ARB2A: variants seen among roughly 807,000 people sequenced by gnomAD.
ARB2A encodes ARB2 cotranscriptional regulator A.
At chr5:93,708,492 C>A in the ARB2A span, among the ~76,000 whole-genome samples, 1 of 152,150 alleles carries the variant, frequency 6.6e-6, no homozygotes, top group Non-Finnish European at 1.5e-5. Flanking sequence ...TGAAACTGTT[C>A]CACCTCAGAT....
the ARB2A span, among the ~76,000 whole-genome samples, chr5:93,950,460 T>C: frequency 3.3e-5 from 5 of 151,930 alleles, no homozygotes; most frequent in East Asian, 1.9e-4. Context: ...CTGGCCAAGA[T>C]GGTGAAACCC....
chr5:93,645,279 T>C, the ARB2A span, among the ~76,000 whole-genome samples: 2 of 152,096 alleles, frequency 1.3e-5, no homozygotes, highest in African/African-American at 2.4e-5. Context: ...TTTTCATCTT[T>C]GAAGATGAAA....
chr5:93,876,685 A>C, the ARB2A span, among the ~76,000 whole-genome samples: 1 of 152,086 alleles, frequency 6.6e-6, no homozygotes, highest in East Asian at 1.9e-4. Flanking sequence ...ACTTGAATAT[A>C]CTTGGAAAAT....
the ARB2A span, among the ~76,000 whole-genome samples, chr5:93,909,531 C>T: frequency 7.0e-4 from 106 of 151,010 alleles, 6 homozygotes; most frequent in East Asian, 0.016. Context: ...TATCCTAAAA[C>T]AAACCTTTTT....
the ARB2A span, among the ~76,000 whole-genome samples, chr5:93,768,518 T>C: frequency 1.3e-5 from 2 of 150,316 alleles, no homozygotes; most frequent in African/African-American, 4.9e-5. Context: ...TGTATATACA[T>C]ACATATATAT....
chr5:93,929,927 C>T, the ARB2A span, among the ~76,000 whole-genome samples: 1 of 152,176 alleles, frequency 6.6e-6, no homozygotes, highest in Non-Finnish European at 1.5e-5. Flanking sequence ...GAGACAGCTG[C>T]AGTCTCAACC....
the ARB2A span, among the ~76,000 whole-genome samples, chr5:93,899,773 A>G: frequency 6.6e-6 from 1 of 152,194 alleles, no homozygotes; most frequent in Non-Finnish European, 1.5e-5. Context: ...TAAATGTCAC[A>G]TAGTAGATTA....
the ARB2A span, among the ~76,000 whole-genome samples, chr5:94,087,295 T>G: frequency 6.6e-6 from 1 of 152,126 alleles, no homozygotes. Context: ...TAATCCCACC[T>G]ACTCGGGGGG....
the ARB2A span, among the ~76,000 whole-genome samples, chr5:93,841,690 G>A: frequency 1.3e-5 from 2 of 152,148 alleles, no homozygotes; most frequent in African/African-American, 2.4e-5. Context: ...GAGTTCATAC[G>A]TGTAATCTTA....
chr5:93,856,481 C>T, the ARB2A span, among the ~76,000 whole-genome samples: 2 of 152,130 alleles, frequency 1.3e-5, no homozygotes, highest in Non-Finnish European at 2.9e-5. Context: ...TTGTTCGTTT[C>T]TTTTTATTCT....
the ARB2A span, among the ~76,000 whole-genome samples, chr5:93,883,918 T>TAC: frequency 1.9e-4 from 13 of 68,322 alleles, no homozygotes; most frequent in African/African-American, 5.8e-4. Flanking sequence ...CACATACACA[T>TAC]ACACATACAC....
chr5:94,059,019 C>T, the ARB2A span, among the ~76,000 whole-genome samples: 11 of 152,018 alleles, frequency 7.2e-5, no homozygotes, highest in African/African-American at 2.7e-4. Context: ...TTGTAAGCTT[C>T]CTCAGACCCT....
the ARB2A span, among the ~76,000 whole-genome samples, chr5:93,851,964 T>C: frequency 3.3e-5 from 5 of 152,212 alleles, no homozygotes; most frequent in Non-Finnish European, 7.3e-5. Context: ...TTTGTGTATA[T>C]ACCCAGTAAT....
chr5:93,776,141 C>G, the ARB2A span: 2 of 1,578,364 alleles, frequency 1.3e-6, no homozygotes, highest in Non-Finnish European at 1.7e-6. Context: ...AATCATATAT[C>G]TCTCATCAAA....
At chr5:93,653,511 CAAAAAAAAAAAAAAAAAAAAAAAAAAA>C in the ARB2A span, among the ~76,000 whole-genome samples, 29 of 31,430 alleles carry the variant, frequency 9.2e-4, 1 homozygote, top group Middle Eastern at 0.029. Context: ...GACTCCGTCT[CAAAAAAAAAAAAAAAAAAAAAAAAAAA>C]AAAAAAAAAA....
the ARB2A span, among the ~76,000 whole-genome samples, chr5:94,004,322 T>G: frequency 6.6e-6 from 1 of 152,042 alleles, no homozygotes; most frequent in South Asian, 2.1e-4. Context: ...TTAGACTGCA[T>G]TAGAATTAAA....
the ARB2A span, chr5:93,735,634 A>G: frequency 1.3e-5 from 2 of 152,252 alleles, no homozygotes; most frequent in Non-Finnish European, 2.9e-5. Flanking sequence ...AAAGGAGGAA[A>G]TGGAGTTGGT....
At chr5:93,875,956 A>G in the ARB2A span, among the ~76,000 whole-genome samples, 1 of 152,194 alleles carries the variant, frequency 6.6e-6, no homozygotes, top group Admixed American at 6.5e-5. Flanking sequence ...TTTTAAAAGA[A>G]TATATGTACA....
chr5:94,089,253 T>C, the ARB2A span, among the ~76,000 whole-genome samples: 6 of 152,188 alleles, frequency 3.9e-5, no homozygotes, highest in Non-Finnish European at 8.8e-5. Flanking sequence ...ACAGATGTTG[T>C]TTCAAGTGTC....
Sources: allele counts gnomAD v4.1 joint callset (sites outside exome capture counted in the v4.1 genomes callset), GRCh38; gene constraint gnomAD v4.1.1; transcripts MANE v1.5; gene names NCBI Gene and HGNC (gene_info 2026-07-23, HGNC 2026-07-21).